CCAR1: variants seen among roughly 807,000 people sequenced by gnomAD.
CCAR1 encodes the protein cell division cycle and apoptosis regulator 1, also known as cell division cycle and apoptosis regulator protein 1.
Under a neutral mutation model 163.8 loss-of-function variants are expected in CCAR1, and 78 were observed. That is an observed-to-expected ratio of 0.48 (90% CI 0.40 to 0.57). The LOEUF is 0.57. CCAR1 is among the 20% of genes least tolerant of loss of function. The pLI is 0.00. For synonymous variants in CCAR1, 443 were observed against 460.7 expected, an observed-to-expected ratio of 0.96 and a Z score of 0.49; for missense variants, 1,019 against 1,365.2, an observed-to-expected ratio of 0.75 and a Z score of 4.00.
chr10:68,788,409 T>C, intron 23 of CCAR1, 81 bp downstream of exon 23: 6 of 921,356 alleles, frequency 6.5e-6, no homozygotes, highest in Non-Finnish European at 9.3e-6. Flanking sequence ...CATACATATA[T>C]ACGTACCTGT....
chr10:68,784,697 C>G (rs1038933401), intron 19 of CCAR1, among the ~76,000 whole-genome samples: 2 of 151,920 alleles, frequency 1.3e-5, no homozygotes, highest in Non-Finnish European at 2.9e-5. Context: ...CGCAGGCATG[C>G]GCTACTTAGT....
intron 19 of CCAR1, among the ~76,000 whole-genome samples, chr10:68,775,416 A>AT (rs1322895255): frequency 6.6e-6 from 1 of 151,050 alleles, no homozygotes; most frequent in Non-Finnish European, 1.5e-5. Flanking sequence ...TACGCCCAGT[A>AT]TTATTTTATT....
intron 2 of CCAR1, among the ~76,000 whole-genome samples, chr10:68,730,005 C>T (rs1488821412): frequency 8.6e-5 from 13 of 151,770 alleles, no homozygotes; most frequent in East Asian, 3.9e-4. Context: ...CTGTAACCTC[C>T]GCCTCCCGTG....
At chr10:68,782,808 C>T (rs979383181) in intron 19 of CCAR1, among the ~76,000 whole-genome samples, 6 of 151,990 alleles carry the variant, frequency 3.9e-5, no homozygotes, top group African/African-American at 9.7e-5. Flanking sequence ...ATGTAACCGA[C>T]GTTTTTACTA....
intron 2 of CCAR1, among the ~76,000 whole-genome samples, chr10:68,726,841 CA>C (rs2055954939): frequency 2.0e-5 from 3 of 151,200 alleles, no homozygotes; most frequent in Non-Finnish European, 4.4e-5. Flanking sequence ...ACTAAAAATA[CA>C]AAAATTAGCC....
intron 16 of CCAR1, among the ~76,000 whole-genome samples, chr10:68,764,739 C>G (rs1431765015): frequency 6.6e-6 from 1 of 152,144 alleles, no homozygotes; most frequent in Non-Finnish European, 1.5e-5. Context: ...CAGATACTCA[C>G]TTTCTGAATT....
chr10:68,730,551 T>A (rs1464996113), intron 2 of CCAR1, among the ~76,000 whole-genome samples: 1 of 151,650 alleles, frequency 6.6e-6, no homozygotes, highest in Non-Finnish European at 1.5e-5. Context: ...TTGGCCAGGA[T>A]GGTTTCGATC....
chr10:68,722,738 A>G (rs1189824308), intron 2 of CCAR1, among the ~76,000 whole-genome samples, 161 bp downstream of exon 2: 3 of 152,068 alleles, frequency 2.0e-5, no homozygotes, highest in Admixed American at 2.0e-4. Flanking sequence ...CCTGGCCAAC[A>G]TGGTGAAACC....
rs1323385046 is a variant in CCAR1, at chr10:68,742,534, T to C, written c.483T>C (p.Phe161=). Residue 161 remains phenylalanine, a synonymous_variant, in exon 6 of 25, where the codon TTT becomes TTC. Coordinates refer to ENST00000265872, the MANE Select transcript of CCAR1 (RefSeq NM_018237.4). ...TGGTTACAAAACTACATGATACGTT[T>C]GGATTTGTGGATGAAGATGTATTCT... is the stretch of plus-strand genomic sequence containing the variant. ...TGVVTKLHDT[F]GFVDEDVFFQ... The C allele has an allele frequency of 6.2e-7, 1 of 1,613,970 alleles. No homozygotes were observed. Among genetic ancestry groups the C allele is most frequent in the Non-Finnish European group, 8.5e-7 (1 of 1,179,920 alleles).
At chr10:68,779,280 CAG>C (rs1243465323) in intron 19 of CCAR1, among the ~76,000 whole-genome samples, 1 of 148,390 alleles carries the variant, frequency 6.7e-6, no homozygotes, top group Non-Finnish European at 1.5e-5. Context: ...TTTTTTGAGA[CAG>C]AGTTTTGCTC....
chr10:68,764,381 C>CAA (rs528625575), intron 16 of CCAR1, among the ~76,000 whole-genome samples: 2,181 of 122,592 alleles, frequency 0.018, 64 homozygotes, highest in African/African-American at 0.059. Context: ...CCCATCTCTA[C>CAA]AAAAAAAAAA....
rs149913751 is a variant in CCAR1, at chr10:68,757,532, A to G, written c.1920+155A>G. ...TGGGTTCAGTAGATTCTCTTGCCTCAGCCTCCTGAGTAGCTGGGATTACAG... is the reference window on the plus strand; with the variant it reads ...TGGGTTCAGTAGATTCTCTTGCCTCGGCCTCCTGAGTAGCTGGGATTACAG... On this transcript the variant is annotated intron_variant, in intron 15 of 24. Transcript: ENST00000265872. Among the ~76,000 whole-genome samples the G allele has an allele frequency of 4.3e-3, 648 of 152,240 alleles. 1 individual carries two copies. Among genetic ancestry groups the G allele is most frequent in the African/African-American group, 0.015 (623 of 41,540 alleles).
At chr10:68,747,338 GA>G in intron 7 of CCAR1, 35 bp from the exon 8 acceptor site, 1 of 1,599,616 alleles carries the variant, frequency 6.3e-7, no homozygotes, top group Non-Finnish European at 8.5e-7. Flanking sequence ...AATTCACAAA[GA>G]TTTTTTTTCT....
chr10:68,737,990 G>A, intron 4 of CCAR1, 101 bp downstream of exon 4: 3 of 791,996 alleles, frequency 3.8e-6, no homozygotes, highest in South Asian at 3.4e-5. Context: ...ACCTTAACAT[G>A]TGATACAAAT....
At chr10:68,740,893 T>C (rs1433391841) in intron 5 of CCAR1, among the ~76,000 whole-genome samples, 1 of 142,428 alleles carries the variant, frequency 7.0e-6, no homozygotes, top group Admixed American at 6.9e-5. Context: ...TTTTATTTAT[T>C]TATTTATTTA....
At position 68,745,970 on chromosome 10, in the gene CCAR1, T is replaced by A. The variant is rs149542111; in HGVS notation, c.519-1191T>A. ...TTTCTTATTTTTTTATTTTTAAATT[T>A]TTTATTTATTTATTTATTTTGAGAT... On this transcript the variant is annotated intron_variant, in intron 6 of 24. Coordinates refer to ENST00000265872, the MANE Select transcript of CCAR1 (RefSeq NM_018237.4). Among the ~76,000 whole-genome samples, 1,143 of 152,038 alleles carry A rather than the reference T, an allele frequency of 7.5e-3. 18 individuals are homozygous for A. The highest frequency in any genetic ancestry group is 0.025 in the African/African-American group (1,020 of 41,516).
At chr10:68,765,064 T>G (rs2056520287) in intron 16 of CCAR1, among the ~76,000 whole-genome samples, 1 of 152,208 alleles carries the variant, frequency 6.6e-6, no homozygotes, top group South Asian at 2.1e-4. Flanking sequence ...GTTTTGTTGT[T>G]TTCTTGTTTT....
rs1166422480 is a variant in CCAR1, at chr10:68,749,529, A to T, written c.962A>T (p.Glu321Val). 1.4e-6 allele frequency: 2 copies of T among 1,429,538 alleles called. No individual in the cohort carries two copies. The highest frequency in any genetic ancestry group is 4.0e-5 in the Admixed American group (2 of 50,142). The allele number at this position is 1,429,538 out of a possible 1,614,324, so 88.6% of individuals were successfully genotyped here. Residue 321 changes from glutamate (E) to valine (V), a missense_variant, in exon 10 of 25, where the codon GAG becomes GTG. Glu to Val is a moderately radical substitution (Grantham distance 121). This residue lies in a region of CCAR1 where 644 missense variants were observed against 904.4 expected (regional missense o/e 0.71). Transcript: ENST00000265872. ...TTAGAAAAATTTGCTTTCAGTCGTGAGAGAGAGAGAGAAAGACGTAGATCG... is the reference window on the plus strand; with the variant it reads ...TTAGAAAAATTTGCTTTCAGTCGTGTGAGAGAGAGAGAAAGACGTAGATCG... The part of the protein sequence containing the change: ...VPNRKDDRSR[E>V]RERERRRSRE...
intron 17 of CCAR1, among the ~76,000 whole-genome samples, chr10:68,767,342 A>G (rs982139836): frequency 1.3e-5 from 2 of 152,128 alleles, no homozygotes; most frequent in African/African-American, 4.8e-5. Flanking sequence ...ATCTGAGCTC[A>G]CTGCAACCTC....
Sources: allele counts gnomAD v4.1 joint callset (sites outside exome capture counted in the v4.1 genomes callset), GRCh38; gene constraint gnomAD v4.1.1; regional missense constraint gnomAD v4.1.1; transcripts MANE v1.5; gene names NCBI Gene and HGNC (gene_info 2026-07-23, HGNC 2026-07-21).